The following ACTR2 variants were observed in gnomAD, a reference collection of about 807,000 sequenced individuals.
The protein encoded by ACTR2 is actin related protein 2, also known as actin-related protein 2.
Under a neutral mutation model 50.2 loss-of-function variants are expected in ACTR2, and 5 were observed. The ratio of observed to expected loss-of-function variants is 0.10; its 90% CI spans 0.05 to 0.21. The LOEUF is 0.21. Ranked by LOEUF, ACTR2 falls within the 10% of genes least tolerant of loss-of-function variation. The probability of loss-of-function intolerance (pLI) is 1.00; values close to 1 mark genes in which losing one functional copy is unlikely to be tolerated. For synonymous variants in ACTR2, 140 were observed against 162.9 expected (o/e 0.86, Z 1.07); for missense variants, 180 against 480.6 (o/e 0.37, Z 5.85).
chr2:65,233,519 T>C (rs141530244), intron 1 of ACTR2, among the ~76,000 whole-genome samples: 1,863 of 151,842 alleles, frequency 0.012, 34 homozygotes, highest in African/African-American at 0.043. Flanking sequence ...AAAATTATAA[T>C]TTTTATTTTT....
intron 1 of ACTR2, among the ~76,000 whole-genome samples, chr2:65,231,298 T>C (rs1373733627): frequency 6.6e-6 from 1 of 152,236 alleles, no homozygotes; most frequent in Non-Finnish European, 1.5e-5. Flanking sequence ...ATGAATCATA[T>C]AACAGGAATG....
intron 1 of ACTR2, among the ~76,000 whole-genome samples, chr2:65,234,041 T>A (rs1671687879): frequency 6.6e-6 from 1 of 152,014 alleles, no homozygotes; most frequent in African/African-American, 2.4e-5. Flanking sequence ...CTCCCGAGTT[T>A]CTGGGGCTAC....
At chr2:65,259,525 T>A (rs1672221534) in intron 6 of ACTR2, among the ~76,000 whole-genome samples, 1 of 152,028 alleles carries the variant, frequency 6.6e-6, no homozygotes, top group African/African-American at 2.4e-5. Flanking sequence ...GGCCAGGAGC[T>A]CGAGACCAGC....
intron 1 of ACTR2, among the ~76,000 whole-genome samples, chr2:65,236,042 G>C (rs1338018222): frequency 6.6e-6 from 1 of 152,024 alleles, no homozygotes; most frequent in African/African-American, 2.4e-5. Flanking sequence ...TAACATATTT[G>C]AAAAAACTCT....
chr2:65,227,859 C>T lies in ACTR2; in HGVS notation c.-51C>T, dbSNP rs760785080. 23 of 1,486,856 alleles carry T rather than the reference C, an allele frequency of 1.5e-5. No individual in the cohort carries two copies. Among genetic ancestry groups the T allele is most frequent in the South Asian group, 2.5e-5 (2 of 78,788 alleles). The allele number at this position is 1,486,856 out of a possible 1,614,324, so 92.1% of individuals were successfully genotyped here. A position where few individuals can be genotyped will look rare whatever the true frequency, so the allele number is the denominator to read the frequency against. On this transcript the variant is annotated 5_prime_UTR_variant, in exon 1 of 9. Coordinates refer to ENST00000260641, the MANE Select transcript of ACTR2 (RefSeq NM_005722.4). The stretch of plus-strand genomic sequence containing the variant: ...AGAGGAAGAAGAGAAAACGGCCGGG[C>T]GGCGGTGGCTGTAGGTTGTGCGGCT...
intron 2 of ACTR2, among the ~76,000 whole-genome samples, chr2:65,240,932 C>G (rs151322813): frequency 6.6e-6 from 1 of 151,298 alleles, no homozygotes; most frequent in African/African-American, 2.4e-5. Flanking sequence ...ATGTAGCCTT[C>G]TGCTTTTGGG....
At position 65,262,186 on chromosome 2, in the gene ACTR2, C is replaced by T. The variant is rs748951721; in HGVS notation, c.881+794C>T. Among the ~76,000 whole-genome samples the T allele has an allele frequency of 1.3e-5, 2 of 152,134 alleles. 1 individual carries two copies. The highest frequency in any genetic ancestry group is 1.3e-4 in the Admixed American group (2 of 15,250). ...TATTCTCACATTCTATAGGTTATAT[C>T]TTCACTTTGTTGATTAATTCCTTTG... On this transcript the variant is annotated intron_variant, in intron 7 of 8. Coordinates refer to ENST00000260641, the MANE Select transcript of ACTR2 (RefSeq NM_005722.4).
In ACTR2 at chr2:65,269,062, A is replaced by G. The variant is rs1672437844; in HGVS notation, c.*328A>G. 1.5e-5 allele frequency: 3 copies of G among 195,836 alleles called. No individual in the cohort carries two copies. Among genetic ancestry groups the G allele is most frequent in the Non-Finnish European group, 3.1e-5 (3 of 96,676 alleles). The allele number at this position is 195,836 out of a possible 1,614,324, so 12.1% of individuals were successfully genotyped here. A position where few individuals can be genotyped will look rare whatever the true frequency, so the allele number is the denominator to read the frequency against. On this transcript the variant is annotated 3_prime_UTR_variant, in exon 9 of 9. Coordinates refer to ENST00000260641, the MANE Select transcript of ACTR2 (RefSeq NM_005722.4). ...TCTAATGCTGCTAGTCGTAGTCTTTAGCACACTAGGTGGTATGCCTTTATT... is the reference window on the plus strand; with the variant it reads ...TCTAATGCTGCTAGTCGTAGTCTTTGGCACACTAGGTGGTATGCCTTTATT...
chr2:65,261,180 T>G, intron 6 of ACTR2, 67 bp from the exon 7 acceptor site: 3 of 1,527,230 alleles, frequency 2.0e-6, no homozygotes, highest in Admixed American at 1.7e-5. Context: ...TAAGTACTAG[T>G]GTTCCGGAGA....
At chr2:65,229,889 G>GT (rs1671603947) in intron 1 of ACTR2, among the ~76,000 whole-genome samples, 1 of 152,006 alleles carries the variant, frequency 6.6e-6, no homozygotes, top group African/African-American at 2.4e-5. Context: ...GAATGATTCA[G>GT]TTTAAGTGTG....
intron 4 of ACTR2, among the ~76,000 whole-genome samples, chr2:65,251,679 A>G (rs1672054106): frequency 6.6e-6 from 1 of 152,130 alleles, no homozygotes; most frequent in Non-Finnish European, 1.5e-5. Flanking sequence ...TTAATTTTTT[A>G]TGCATGGAAT....
At chr2:65,248,355 ACAC>A (rs1671979547) in intron 3 of ACTR2, among the ~76,000 whole-genome samples, 1 of 151,992 alleles carries the variant, frequency 6.6e-6, no homozygotes, top group South Asian at 2.1e-4. Context: ...AGCCGAGATT[ACAC>A]CACTGCATTC....
At chr2:65,263,261 T>C (rs1165521475) in intron 7 of ACTR2, among the ~76,000 whole-genome samples, 1 of 113,706 alleles carries the variant, frequency 8.8e-6, no homozygotes, top group Non-Finnish European at 2.0e-5. Context: ...TTTTGGAGTT[T>C]TGGGTTTTTT....
rs1672433288 is a variant in ACTR2 at position 65,268,815 on chromosome 2, G to A, written c.*81G>A. 6.2e-6 allele frequency: 9 copies of A among 1,445,854 alleles called. No homozygotes were observed. The highest frequency in any genetic ancestry group is 8.5e-6 in the Non-Finnish European group (9 of 1,060,198). 89.6% of individuals were successfully genotyped at this position (1,445,854 alleles called of 1,614,324 possible). ...AATCTTTGAACTCATTCAACTCCAG[G>A]ACATGGAAGAGGCCTCTCTCTGCCC... On this transcript the variant is annotated 3_prime_UTR_variant, in exon 9 of 9. Transcript: ENST00000260641.
intron 2 of ACTR2, 101 bp from the exon 3 acceptor site, chr2:65,246,423 G>A (rs1671941219): frequency 2.5e-6 from 2 of 810,920 alleles, no homozygotes; most frequent in Non-Finnish European, 3.8e-6. Context: ...GGAATAAAAA[G>A]ATTTATTTTG....
intron 1 of ACTR2, among the ~76,000 whole-genome samples, chr2:65,234,030 C>G (rs569288476): frequency 3.2e-4 from 48 of 152,212 alleles, no homozygotes; most frequent in African/African-American, 1.2e-3. Flanking sequence ...CCCACCTCAG[C>G]CTCCCGAGTT....
At chr2:65,240,006 G>A (rs1573151928) in intron 2 of ACTR2, 44 bp downstream of exon 2, 1 of 1,323,400 alleles carries the variant, frequency 7.6e-7, no homozygotes, top group East Asian at 2.3e-5. Flanking sequence ...GACATGTGAG[G>A]TGTTCTTATA....
At chr2:65,237,011 G>T (rs1360690042) in intron 1 of ACTR2, among the ~76,000 whole-genome samples, 1 of 152,080 alleles carries the variant, frequency 6.6e-6, no homozygotes, top group African/African-American at 2.4e-5. Context: ...AACAATCATG[G>T]TATCATACTG....
chr2:65,230,403 A>G (rs967413768), intron 1 of ACTR2, among the ~76,000 whole-genome samples: 1 of 78,174 alleles, frequency 1.3e-5, no homozygotes, highest in Non-Finnish European at 2.3e-5. Flanking sequence ...ACCGAAGCTG[A>G]TTTTTTTTTT....
Sources: allele counts gnomAD v4.1 joint callset (sites outside exome capture counted in the v4.1 genomes callset), GRCh38; gene constraint gnomAD v4.1.1; transcripts MANE v1.5; gene names NCBI Gene and HGNC (gene_info 2026-07-23, HGNC 2026-07-21).